FEZ1: variants seen among roughly 807,000 people sequenced by gnomAD.
FEZ1 encodes fasciculation and elongation protein zeta 1.
FEZ1 carries 20 observed loss-of-function variants against 49.3 expected under a neutral mutation model. The observed-to-expected ratio is 0.41, with a 90% CI of 0.29 to 0.59. The LOEUF is 0.59. Ranked by LOEUF, FEZ1 falls within the 20% of genes least tolerant of loss-of-function variation. The probability of loss-of-function intolerance (pLI) is 0.36; values close to 1 mark genes in which losing one functional copy is unlikely to be tolerated. For missense variants in FEZ1, 413 were observed against 476.0 expected (o/e 0.87, Z 1.23); for synonymous variants, 170 against 180.9 (o/e 0.94, Z 0.48).
At chr11:125,447,705 C>T (rs955298778) in intron 9 of FEZ1, among the ~76,000 whole-genome samples, 67 of 151,854 alleles carry the variant, frequency 4.4e-4, no homozygotes, top group African/African-American at 1.6e-3. Context: ...GCCTGTAATC[C>T]CAGCTACTTA....
At chr11:125,475,551 CG>C (rs2064907083) in intron 3 of FEZ1, among the ~76,000 whole-genome samples, 1 of 151,602 alleles carries the variant, frequency 6.6e-6, no homozygotes, top group African/African-American at 2.4e-5. Context: ...AATGGACACA[CG>C]GAAGGGAACA....
chr11:125,467,616 CA>C (rs1158497868), intron 3 of FEZ1, among the ~76,000 whole-genome samples: 1 of 151,990 alleles, frequency 6.6e-6, no homozygotes, highest in African/African-American at 2.4e-5. Context: ...TTTGGGAGGC[CA>C]GGGTGGGAGG....
chr11:125,470,272 A>G lies in FEZ1; in HGVS notation c.412-6702T>C, dbSNP rs190190970. On this transcript the variant is annotated intron_variant, in intron 3 of 9. Transcript: ENST00000278919. ...GTACACTTACTAAGACCAGAAAAAA[A>G]TTTTAAAAACACACAAATTCTGTAA... 2.8e-4 allele frequency among the ~76,000 whole-genome samples: 42 copies of G among 152,348 alleles called. No homozygotes were observed. The East Asian group carries it at 5.2e-3, about 19-fold the overall frequency.
Position 125,489,656 on chromosome 11 carries a change from G to A in FEZ1, c.122C>T (p.Pro41Leu). 6.2e-7 allele frequency: 1 copy of A among 1,614,026 alleles called. No homozygotes were observed. Among genetic ancestry groups the A allele is most frequent in the Non-Finnish European group, 8.5e-7 (1 of 1,179,964 alleles). Reference sequence around the variant, plus strand: ...AAAATTCTCAAGCTCGGAGAGGGAGGGGTCCTCGAGATGGTGGGGAGATGA... The same window carrying A: ...AAAATTCTCAAGCTCGGAGAGGGAGAGGTCCTCGAGATGGTGGGGAGATGA... The part of the protein sequence containing the change: ...YGSSPHHLED[P>L]SLSELENFSS... Residue 41 changes from proline (P) to leucine (L), a missense_variant, in exon 2 of 10, where the codon CCC becomes CTC. By Grantham distance (98) the Pro-to-Leu change is moderately conservative. Coordinates refer to ENST00000278919, the MANE Select transcript of FEZ1 (RefSeq NM_005103.5). This position sits in a 1 kb window ranked among gnomAD's most constrained non-coding sequence, Gnocchi z 4.2.
chr11:125,456,183 C>T, intron 5 of FEZ1, 77 bp from the exon 6 acceptor site: 3 of 1,382,766 alleles, frequency 2.2e-6, no homozygotes, highest in East Asian at 4.6e-5. Flanking sequence ...GGGGCCACCA[C>T]CAATCAAGAT....
At chr11:125,468,316 C>T (rs540197298) in intron 3 of FEZ1, among the ~76,000 whole-genome samples, 24 of 151,898 alleles carry the variant, frequency 1.6e-4, no homozygotes, top group Non-Finnish European at 2.9e-4. Flanking sequence ...TAGCTAGGAA[C>T]ATAGGTGCAC....
chr11:125,452,178 A>T lies in FEZ1; in HGVS notation c.1096+156T>A, dbSNP rs530881208. 5.3e-5 allele frequency among the ~76,000 whole-genome samples: 8 copies of T among 152,262 alleles called. No homozygotes were observed. The South Asian group carries it at 1.2e-3, about 24-fold the overall frequency. ...TCACTGCAGAGTATTTTAATTTTAC[A>T]CTGTGCGGGAGGATGTGACGCAGTA... On this transcript the variant is annotated intron_variant, in intron 8 of 9. Transcript: ENST00000278919.
At chr11:125,482,385 G>A (rs1198811569) in intron 2 of FEZ1, among the ~76,000 whole-genome samples, 1 of 151,006 alleles carries the variant, frequency 6.6e-6, no homozygotes, top group Non-Finnish European at 1.5e-5. Context: ...ATACACCTCT[G>A]TCTACACAAT....
rs1162046105 is a variant in FEZ1 at position 125,443,728 on chromosome 11, T to G, written c.*2367A>C. ...AAAACCATGAGGAATTGATTTCATA[T>G]TCCCCTTAAACTCCTGATAGACGGA... On this transcript the variant is annotated 3_prime_UTR_variant, in exon 10 of 10. Transcript: ENST00000278919. Among the ~76,000 whole-genome samples the G allele has an allele frequency of 6.6e-6, 1 of 152,158 alleles. No individual in the cohort carries two copies. Among genetic ancestry groups the G allele is most frequent in the Non-Finnish European group, 1.5e-5 (1 of 68,014 alleles).
chr11:125,482,414 G>A (rs1197380791), intron 2 of FEZ1, among the ~76,000 whole-genome samples: 2 of 152,202 alleles, frequency 1.3e-5, no homozygotes, highest in Non-Finnish European at 1.5e-5. Context: ...AGTGGGGAAA[G>A]ATGGAGCTAC....
At chr11:125,491,967 G>A (rs996668848) in intron 1 of FEZ1, among the ~76,000 whole-genome samples, 2 of 152,296 alleles carry the variant, frequency 1.3e-5, no homozygotes, top group Non-Finnish European at 2.9e-5. Context: ...TATAAGGAAG[G>A]TGTTGGTACA....
intron 3 of FEZ1, among the ~76,000 whole-genome samples, chr11:125,473,789 A>C (rs1236108299): frequency 1.3e-5 from 2 of 149,222 alleles, no homozygotes; most frequent in Admixed American, 1.3e-4. Flanking sequence ...ACTGCACTCC[A>C]GCCTGGGCAA....
chr11:125,487,489 A>T (rs1343345948), intron 2 of FEZ1, among the ~76,000 whole-genome samples: 1 of 152,238 alleles, frequency 6.6e-6, no homozygotes, highest in Non-Finnish European at 1.5e-5. Context: ...GAACGAAAAA[A>T]TATTCGGCAT....
At chr11:125,476,005 T>C (rs2135770456) in intron 3 of FEZ1, among the ~76,000 whole-genome samples, 1 of 152,328 alleles carries the variant, frequency 6.6e-6, no homozygotes, top group South Asian at 2.1e-4. Context: ...AAAACATGGA[T>C]GAATACCTAA....
chr11:125,468,761 C>G (rs1421577512), intron 3 of FEZ1, among the ~76,000 whole-genome samples: 3 of 152,168 alleles, frequency 2.0e-5, no homozygotes, highest in Non-Finnish European at 4.4e-5. Context: ...GGGGGTCACA[C>G]AGCAGATACT....
chr11:125,470,227 C>A (rs79844571), intron 3 of FEZ1, among the ~76,000 whole-genome samples: 2,415 of 152,184 alleles, frequency 0.016, 54 homozygotes, highest in African/African-American at 0.05. Flanking sequence ...TATCAGAATT[C>A]ATTTAAAAAC....
chr11:125,487,256 C>T (rs1312875639), intron 2 of FEZ1, among the ~76,000 whole-genome samples: 1 of 152,102 alleles, frequency 6.6e-6, no homozygotes, highest in African/African-American at 2.4e-5. Context: ...CTTGAAATGT[C>T]ATTTTCAGAG....
At chr11:125,485,448 C>T (rs1262605018) in intron 2 of FEZ1, among the ~76,000 whole-genome samples, 2 of 152,114 alleles carry the variant, frequency 1.3e-5, no homozygotes, top group Non-Finnish European at 2.9e-5. Context: ...CTGATGCACA[C>T]GTAAACCCTT....
intron 8 of FEZ1, 136 bp from the exon 9 acceptor site, chr11:125,448,703 AG>A: frequency 1.5e-6 from 1 of 647,402 alleles, no homozygotes; most frequent in Non-Finnish European, 2.8e-6. Context: ...ATTGAGCAAA[AG>A]TCTAGAAGGC....
Sources: gnomAD v4.1 joint callset for allele counts (sites outside exome capture counted in the v4.1 genomes callset) on GRCh38, gnomAD v4.1.1 for gene constraint, Gnocchi (gnomAD v3.1) non-coding constraint, MANE v1.5 for transcripts, NCBI Gene and HGNC (gene_info 2026-07-23, HGNC 2026-07-21) for gene names.